Variants in EP300 observed in about 807,000 individuals in gnomAD.
EP300 encodes EP300 lysine acetyltransferase.
Under a neutral mutation model 264.0 loss-of-function variants are expected in EP300, and 31 were observed. That is an observed-to-expected ratio of 0.12 (90% CI 0.09 to 0.16). The LOEUF (loss-of-function observed/expected upper bound fraction) is 0.16. EP300 is among the 10% of genes least tolerant of loss of function. The probability of loss-of-function intolerance (pLI) is 1.00; values close to 1 mark genes in which losing one functional copy is unlikely to be tolerated. For missense variants in EP300, 2,766 were observed against 3,052.9 expected (o/e 0.91, Z 2.21); for synonymous variants, 1,340 against 1,045.4 (o/e 1.28, Z -5.44).
At chr22:41,173,029 T>C (rs1358239420) in intron 28 of EP300, among the ~76,000 whole-genome samples, 1 of 152,212 alleles carries the variant, frequency 6.6e-6, no homozygotes, top group African/African-American at 2.4e-5. Context: ...AACACACTCT[T>C]TTTAAATGTA....
At chr22:41,156,244 C>G (rs2059076205) in intron 17 of EP300, among the ~76,000 whole-genome samples, 2 of 152,132 alleles carry the variant, frequency 1.3e-5, no homozygotes, top group South Asian at 4.1e-4. Flanking sequence ...AACTCCCAAC[C>G]TCAGATGATC....
chr22:41,163,715 C>G (rs2059120110), intron 21 of EP300, among the ~76,000 whole-genome samples: 1 of 151,998 alleles, frequency 6.6e-6, no homozygotes, highest in South Asian at 2.1e-4. Context: ...CCACTGCACT[C>G]CAGCCTGGGC....
chr22:41,110,025 G>C (rs1423193670), intron 1 of EP300, among the ~76,000 whole-genome samples: 1 of 151,480 alleles, frequency 6.6e-6, no homozygotes, highest in African/African-American at 2.4e-5. Context: ...TCTTGGCCAG[G>C]CTCGAACTCT....
At position 41,127,473 on chromosome 22, in the gene EP300, G is replaced by A. The variant is rs971554293; in HGVS notation, c.907-14G>A. On this transcript the variant is annotated splice_polypyrimidine_tract_variant and intron_variant, in intron 3 of 30. Transcript: ENST00000263253. ...TATGACTCCTACCATTAAATATATT[G>A]TTATATCTCTCAGGGTCAACAGCCA... 41 of 1,613,632 alleles carry A rather than the reference G, an allele frequency of 2.5e-5. No individual in the cohort carries two copies. The highest frequency in any genetic ancestry group is 3.3e-5 in the Non-Finnish European group (39 of 1,179,950).
chr22:41,105,198 GAA>G (rs764225630), intron 1 of EP300, among the ~76,000 whole-genome samples: 19,790 of 60,838 alleles, frequency 0.33, 2,621 homozygotes, highest in Admixed American at 0.5. Flanking sequence ...CTCCATCTCA[GAA>G]AAAAAAAAAA....
At chr22:41,174,189 T>C (rs1455806908) in intron 29 of EP300, among the ~76,000 whole-genome samples, 9 of 151,736 alleles carry the variant, frequency 5.9e-5, no homozygotes, top group Admixed American at 4.6e-4. Flanking sequence ...CCCAGCACTT[T>C]GGAGGTTGAG....
chr22:41,134,264 T>G (rs2058937401), intron 6 of EP300, among the ~76,000 whole-genome samples: 1 of 152,008 alleles, frequency 6.6e-6, no homozygotes, highest in Non-Finnish European at 1.5e-5. Flanking sequence ...ATAAGTTTTC[T>G]TAGATAAATT....
chr22:41,141,201 C>G lies in EP300; in HGVS notation c.2032C>G (p.Pro678Ala). Residue 678 changes from proline to alanine, a missense_variant, in exon 10 of 31, where the codon CCG (proline) becomes GCG (alanine). Physicochemically the swap from Pro to Ala is conservative, Grantham distance 27. Transcript: ENST00000263253. ...SMNPGPNMGQ[P>A]QPGMTSNGPL... Reference sequence around the variant, plus strand: ...GAATCCAGGGCCTAACATGGGACAGCCGCAACCAGGAATGACTTCTAGTAA... The same window carrying G: ...GAATCCAGGGCCTAACATGGGACAGGCGCAACCAGGAATGACTTCTAGTAA... 1.9e-6 allele frequency: 3 copies of G among 1,614,110 alleles called. No homozygotes were observed. Among genetic ancestry groups the G allele is most frequent in the Non-Finnish European group, 2.5e-6 (3 of 1,180,012 alleles).
At chr22:41,125,452 G>A (rs528099546) in intron 2 of EP300, among the ~76,000 whole-genome samples, 12 of 151,476 alleles carry the variant, frequency 7.9e-5, no homozygotes, top group African/African-American at 2.4e-4. Flanking sequence ...TTTTGGTACC[G>A]ATGGGTTTTC....
At chr22:41,169,465 CTT>C in intron 25 of EP300, 36 bp from the exon 26 acceptor site, 2 of 1,375,722 alleles carry the variant, frequency 1.5e-6, no homozygotes, top group Non-Finnish European at 1.0e-6. Flanking sequence ...TGTGACCTGA[CTT>C]TTTTTTTCCT....
At chr22:41,156,366 G>C (rs1464905830) in intron 17 of EP300, among the ~76,000 whole-genome samples, 1 of 152,162 alleles carries the variant, frequency 6.6e-6, no homozygotes, top group Non-Finnish European at 1.5e-5. Flanking sequence ...ACCGTGGTTA[G>C]CTTTGTTTTT....
At chr22:41,160,743 G>C (rs774514563) in intron 20 of EP300, 21 bp downstream of exon 20, 1 of 1,605,186 alleles carries the variant, frequency 6.2e-7, no homozygotes. Flanking sequence ...GCATTATTTT[G>C]AAAAGTGCTA....
chr22:41,136,739 C>T (rs1322055893), intron 7 of EP300, among the ~76,000 whole-genome samples: 2 of 152,158 alleles, frequency 1.3e-5, no homozygotes, highest in Admixed American at 1.3e-4. Flanking sequence ...GTTAAAATGA[C>T]AGCTTAGTCT....
intron 2 of EP300, 159 bp from the exon 3 acceptor site, chr22:41,125,705 G>A: frequency 2.7e-6 from 2 of 735,270 alleles, no homozygotes; most frequent in Admixed American, 2.8e-5. Context: ...AGTAGAGATG[G>A]GGTTTTGTCA....
chr22:41,099,147 C>G (rs113498699), intron 1 of EP300, among the ~76,000 whole-genome samples: 13 of 152,030 alleles, frequency 8.6e-5, no homozygotes, highest in African/African-American at 2.9e-4. Flanking sequence ...CTATGACAAC[C>G]TCCGTCTCCC....
chr22:41,125,750 G>C, intron 2 of EP300, 114 bp from the exon 3 acceptor site: 1 of 1,152,074 alleles, frequency 8.7e-7, no homozygotes, highest in South Asian at 1.4e-5. Flanking sequence ...TCTAATAGAA[G>C]CTGAGAATTT....
chr22:41,122,951 G>A (rs1410036126), intron 2 of EP300, among the ~76,000 whole-genome samples: 2 of 152,108 alleles, frequency 1.3e-5, no homozygotes, highest in African/African-American at 4.8e-5. Context: ...TGGGAGAATT[G>A]CTTGAGCCCA....
chr22:41,139,154 GT>G (rs562062500), intron 8 of EP300, among the ~76,000 whole-genome samples: 2 of 152,072 alleles, frequency 1.3e-5, no homozygotes, highest in South Asian at 4.2e-4. Flanking sequence ...GGGTTTCGCC[GT>G]GTTGGCCAGG....
chr22:41,156,037 G>GTT (rs2059074898), intron 17 of EP300, among the ~76,000 whole-genome samples: 1 of 151,942 alleles, frequency 6.6e-6, no homozygotes. Context: ...TTGAGATGGA[G>GTT]TTTCACTCTT....
Sources: gnomAD v4.1 joint callset for allele counts (sites outside exome capture counted in the v4.1 genomes callset) on GRCh38, gnomAD v4.1.1 for gene constraint, MANE v1.5 for transcripts, NCBI Gene and HGNC (gene_info 2026-07-23, HGNC 2026-07-21) for gene names.